Variants in SYT15 observed in about 807,000 individuals in gnomAD.
The protein encoded by SYT15 is synaptotagmin-15.
Under a neutral mutation model 30.1 loss-of-function variants are expected in SYT15, and 4 were observed. That is an observed-to-expected ratio of 0.13 (90% CI 0.07 to 0.30). The LOEUF (loss-of-function observed/expected upper bound fraction) is 0.30, where lower values mean the gene tolerates loss of function less well. SYT15 is among the 10% of genes least tolerant of loss of function. The pLI, the probability that SYT15 is intolerant of heterozygous loss-of-function variation, is 1.00. For missense variants in SYT15, 49 were observed against 371.7 expected (o/e 0.13, Z 7.14); for synonymous variants, 19 against 166.3 (o/e 0.11, Z 6.82).
chr10:46,586,312 C>T (rs1555040736), intron 7 of SYT15, among the ~76,000 whole-genome samples: 1 of 132,314 alleles, frequency 7.6e-6, no homozygotes, highest in Admixed American at 7.4e-5. Context: ...TTTGGAAGGC[C>T]GAGGTAGGCA....
rs782174710 is a variant in SYT15, at chr10:46,581,973, G to A, written c.433G>A (p.Asp145Asn). The A allele has an allele frequency of 1.0e-5, 16 of 1,572,370 alleles. No individual in the cohort carries two copies. Among genetic ancestry groups the A allele is most frequent in the African/African-American group, 3.2e-5 (2 of 63,056 alleles). ...GGACAAAAGTGAGACCGACTTCCCC[G>A]ACGGCTGCCTGGGGCGGCTGTGGTT... ...PEDKSETDFP[D>N]GCLGRLWFSV... Residue 145 changes from aspartate (D) to asparagine (N), a missense_variant, in exon 4 of 8, where the codon GAC (aspartate) becomes AAC (asparagine). Transcript: ENST00000374321.
intron 6 of SYT15, among the ~76,000 whole-genome samples, chr10:46,584,982 AC>A (rs1844727580): frequency 1.2e-5 from 1 of 85,992 alleles, no homozygotes; most frequent in South Asian, 4.6e-4. Context: ...TGAGGCCCGC[AC>A]CTCCCTCCCC....
At chr10:46,584,384 G>A (rs1485533678) in intron 5 of SYT15, 111 bp from the exon 6 acceptor site, 15 of 1,279,512 alleles carry the variant, frequency 1.2e-5, no homozygotes, top group Admixed American at 2.6e-5. Flanking sequence ...GACCATGCGG[G>A]TGTGTCGCAT....
rs1435799537 is a variant in SYT15, at chr10:46,591,455, AAAAAT to A, written c.*3816_*3820del. Reference sequence around the variant, plus strand: ...ATGTTTATGACATAAGTATAAACAAAAAAATAAAATAAGTAAATAAATAAATAAAA... The same window carrying A: ...ATGTTTATGACATAAGTATAAACAAAAAAATAAGTAAATAAATAAATAAAA... On this transcript the variant is annotated 3_prime_UTR_variant, in exon 8 of 8. Coordinates refer to ENST00000374321, the MANE Select transcript of SYT15 (RefSeq NM_031912.5). 2.0e-5 allele frequency: 2 copies of A among 100,170 alleles called. No homozygotes were observed. Among genetic ancestry groups the A allele is most frequent in the Admixed American group, 1.0e-4 (1 of 9,572 alleles). 6.2% of individuals were successfully genotyped at this position (100,170 alleles called of 1,614,324 possible).
chr10:46,593,643 T>G (rs1555044749), downstream of SYT15: 1 of 143,852 alleles, frequency 7.0e-6, no homozygotes, highest in East Asian at 2.0e-4. Flanking sequence ...TGCAGTTTTG[T>G]TTTTATTTAT....
At chr10:46,592,803 TCAAA>T (rs1484852666), downstream of SYT15, among the ~76,000 whole-genome samples, 1 of 23,984 alleles carries the variant, frequency 4.2e-5, no homozygotes, top group Non-Finnish European at 7.4e-5. Context: ...ACTCCAGAGC[TCAAA>T]CAGTCTGCCT....
chr10:46,586,867 A>G (rs1161213490), intron 7 of SYT15, among the ~76,000 whole-genome samples: 3 of 53,842 alleles, frequency 5.6e-5, no homozygotes, highest in African/African-American at 2.6e-4. Flanking sequence ...AAAAGAAAAG[A>G]AAAAGAAAGA....
chr10:46,582,491 G>A (rs372210214), intron 4 of SYT15, among the ~76,000 whole-genome samples: 2 of 147,070 alleles, frequency 1.4e-5, no homozygotes, highest in South Asian at 2.1e-4. Context: ...GCCAGGCCCT[G>A]GCCTATGGGG....
intron 2 of SYT15, 145 bp from the exon 3 acceptor site, chr10:46,580,749 G>T: frequency 3.8e-6 from 2 of 528,774 alleles, no homozygotes; most frequent in South Asian, 2.3e-5. Context: ...GCCTGGTATG[G>T]GCCCAGAAAA....
chr10:46,596,780 C>T, downstream of SYT15: 1 of 430,518 alleles, frequency 2.3e-6, no homozygotes, highest in Non-Finnish European at 4.6e-6. Flanking sequence ...CTGCTACCCG[C>T]CCAATGCCTG....
At chr10:46,596,756 A>G (rs553886444), downstream of SYT15, 1 of 407,478 alleles carries the variant, frequency 2.5e-6, no homozygotes, top group African/African-American at 2.4e-5. Flanking sequence ...AAAGTGAAAA[A>G]TGGAGAGGAA....
At position 46,580,573 on chromosome 10, in the gene SYT15, C is replaced by T. The variant is rs1399901821; in HGVS notation, c.212+205C>T. On this transcript the variant is annotated intron_variant, in intron 2 of 7. Transcript: ENST00000374321. ...GGTGAGGAATCTGAGGCTCAGTGCACATAAGCAACAGGTCCAGAGAACACA... is the reference window on the plus strand; with the variant it reads ...GGTGAGGAATCTGAGGCTCAGTGCATATAAGCAACAGGTCCAGAGAACACA... Among the ~76,000 whole-genome samples, 14 of 131,644 alleles carry T rather than the reference C, an allele frequency of 1.1e-4. 1 individual carries two copies. The highest frequency in any genetic ancestry group is 8.2e-4 in the Admixed American group (11 of 13,420). 86.4% of individuals were successfully genotyped at this position (131,644 alleles called of 152,430 possible).
chr10:46,586,772 G>A lies in SYT15; in HGVS notation c.1124-733G>A, dbSNP rs566056497. 7.2e-4 allele frequency among the ~76,000 whole-genome samples: 73 copies of A among 101,752 alleles called. 4 individuals carry two copies. Among genetic ancestry groups the A allele is most frequent in the African/African-American group, 3.1e-3 (73 of 23,218 alleles). 66.8% of individuals were successfully genotyped at this position (101,752 alleles called of 152,430 possible). A position where few individuals can be genotyped will look rare whatever the true frequency, so the allele number is the denominator to read the frequency against. ...AAGCAGAAGAATCACTTGAACCCGGGAGGCAGAGGTTGCAGTGAGCCAAGA... is the reference window on the plus strand; with the variant it reads ...AAGCAGAAGAATCACTTGAACCCGGAAGGCAGAGGTTGCAGTGAGCCAAGA... On this transcript the variant is annotated intron_variant, in intron 7 of 7. Coordinates refer to ENST00000374321, the MANE Select transcript of SYT15 (RefSeq NM_031912.5).
chr10:46,586,854 AAG>A lies in SYT15; in HGVS notation c.1124-649_1124-648del, dbSNP rs1491293075. On this transcript the variant is annotated intron_variant, in intron 7 of 7. Transcript: ENST00000374321. ...GCGAGACTCTGTCAAAAAAAAAAAAAAGAAAAGAAAAGAAAAAGAAAGAGGTT... is the reference window on the plus strand; with the variant it reads ...GCGAGACTCTGTCAAAAAAAAAAAAAAAAAGAAAAGAAAAAGAAAGAGGTT... Among the ~76,000 whole-genome samples the A allele has an allele frequency of 1.0e-3, 30 of 29,248 alleles. 2 individuals are homozygous for A. The highest frequency in any genetic ancestry group is 3.0e-3 in the African/African-American group (30 of 10,072). 19.2% of individuals were successfully genotyped at this position (29,248 alleles called of 152,430 possible).
At chr10:46,593,378 G>A (rs1415623459), downstream of SYT15, 2 of 144,162 alleles carry the variant, frequency 1.4e-5, no homozygotes, top group African/African-American at 5.4e-5. Flanking sequence ...ATCACCTGAG[G>A]TCAGAAGTTT....
downstream of SYT15, chr10:46,593,144 C>G (rs374141880): frequency 3.0e-5 from 3 of 100,522 alleles, no homozygotes; most frequent in South Asian, 5.0e-4. Context: ...AAGATCCCCC[C>G]CCTCTACAAA....
chr10:46,586,890 G>A (rs1157727561), intron 7 of SYT15, among the ~76,000 whole-genome samples: 1 of 40,800 alleles, frequency 2.5e-5, no homozygotes, highest in Non-Finnish European at 4.4e-5. Context: ...TTAAGCAATG[G>A]CCTCTGCTGC....
chr10:46,596,103 C>G (rs1342417159), downstream of SYT15: 1 of 146,432 alleles, frequency 6.8e-6, no homozygotes, highest in East Asian at 1.9e-4. Flanking sequence ...CTGATGTTTC[C>G]TGGAGCTGGG....
chr10:46,579,248 CGCCCCCGCTGGGGTGCAGCGCCT>C (rs1555035258), intron 1 of SYT15, 73 bp downstream of exon 1: 1 of 324,846 alleles, frequency 3.1e-6, no homozygotes, highest in Non-Finnish European at 5.2e-6. Flanking sequence ...TCCGCCCCGC[CGCCCCCGCTGGGGTGCAGCGCCT>C]GCCCTGCCCG....
Sources: gnomAD v4.1 joint callset for allele counts (sites outside exome capture counted in the v4.1 genomes callset) on GRCh38, gnomAD v4.1.1 for gene constraint, MANE v1.5 for transcripts, NCBI Gene and HGNC (gene_info 2026-07-23, HGNC 2026-07-21) for gene names.